Variants in USP49 observed in about 807,000 individuals in gnomAD.
USP49 encodes ubiquitin carboxyl-terminal hydrolase 49.
USP49 carries 24 observed loss-of-function variants against 58.6 expected under a neutral mutation model. That is an observed-to-expected ratio of 0.41 (90% confidence interval 0.30 to 0.58). USP49 has a LOEUF of 0.58. USP49 is among the 20% of genes least tolerant of loss of function. The pLI is 0.30. For missense variants in USP49, 703 were observed against 866.1 expected (o/e 0.81, Z 2.36); for synonymous variants, 408 against 365.1 (o/e 1.12, Z -1.34).
At chr6:41,828,990 T>A (rs1325684508) in intron 3 of USP49, among the ~76,000 whole-genome samples, 2 of 152,184 alleles carry the variant, frequency 1.3e-5, no homozygotes, top group Admixed American at 1.3e-4. Flanking sequence ...TCTCTGTTTA[T>A]CCAGGTCTTT....
At chr6:41,839,672 G>A (rs1773788475) in intron 3 of USP49, among the ~76,000 whole-genome samples, 1 of 152,072 alleles carries the variant, frequency 6.6e-6, no homozygotes, top group South Asian at 2.1e-4. Flanking sequence ...TCATAAAAAG[G>A]AATGAAATAA....
rs1228612058 is a variant in USP49, at chr6:41,790,101, G to A, written c.*6432C>T. On this transcript the variant is annotated 3_prime_UTR_variant, in exon 8 of 8. Coordinates refer to ENST00000682992, the MANE Select transcript of USP49 (RefSeq NM_001286554.2). The stretch of plus-strand genomic sequence containing the variant: ...GTAACCATACATTGATGTTAACCTA[G>A]CATGAAGTTTATTCTTGAAGAATTT... The A allele has an allele frequency of 6.6e-6, 1 of 151,902 alleles. No individual in the cohort carries two copies. The highest frequency in any genetic ancestry group is 2.4e-5 in the African/African-American group (1 of 41,362). The allele number at this position is 151,902 out of a possible 1,614,324, so 9.4% of individuals were successfully genotyped here. A position where few individuals can be genotyped will look rare whatever the true frequency, so the allele number is the denominator to read the frequency against.
chr6:41,833,147 G>C (rs1773665778), intron 3 of USP49, among the ~76,000 whole-genome samples: 1 of 151,678 alleles, frequency 6.6e-6, no homozygotes, highest in East Asian at 1.9e-4. Context: ...CTCCCGAGTA[G>C]CTGGGACTAC....
At chr6:41,823,577 G>C (rs566441237) in intron 3 of USP49, among the ~76,000 whole-genome samples, 2 of 152,218 alleles carry the variant, frequency 1.3e-5, no homozygotes, top group Non-Finnish European at 2.9e-5. Context: ...CAATACAGCA[G>C]AGCCTCAGTC....
intron 3 of USP49, among the ~76,000 whole-genome samples, chr6:41,867,200 T>C (rs1034023205): frequency 6.6e-6 from 1 of 152,214 alleles, no homozygotes; most frequent in Non-Finnish European, 1.5e-5. Context: ...ATGTCAATTG[T>C]TAGTGCACAT....
At chr6:41,816,599 T>C (rs1581999842) in intron 3 of USP49, among the ~76,000 whole-genome samples, 1 of 152,304 alleles carries the variant, frequency 6.6e-6, no homozygotes, top group East Asian at 1.9e-4. Context: ...ATTTTGATAC[T>C]TTTTAAAAAC....
At position 41,790,718 on chromosome 6, in the gene USP49, A is replaced by C. The variant is rs1373701986; in HGVS notation, c.*5815T>G. 6.6e-6 allele frequency: 1 copy of C among 152,214 alleles called. No individual in the cohort carries two copies. The highest frequency in any genetic ancestry group is 1.5e-5 in the Non-Finnish European group (1 of 68,034). The allele number at this position is 152,214 out of a possible 1,614,324, so 9.4% of individuals were successfully genotyped here. ...GACCTTGCTGGCATAAATATTAAGA[A>C]AATTGTTTGAGAATTAGATTTTTTT... On this transcript the variant is annotated 3_prime_UTR_variant, in exon 8 of 8. Coordinates refer to ENST00000682992, the MANE Select transcript of USP49 (RefSeq NM_001286554.2).
chr6:41,806,717 C>T lies in USP49; in HGVS notation c.267G>A (p.Glu89=), dbSNP rs1773142232. The change falls in exon 4 of 8, where the codon GAG becomes GAA. Residue 89 remains glutamate (E), a synonymous_variant. Transcript: ENST00000682992. This position sits in a 1 kb window ranked among gnomAD's most constrained non-coding sequence, Gnocchi z 5.9. ...AGCTTCTTAGCAGCTTCAGGTCCCC[C>T]TCTGGGTTATCATTGAGCACGTAGT... is the stretch of plus-strand genomic sequence containing the variant. ...CKDYVLNDNP[E]GDLKLLRSSL... is the part of the protein sequence containing the mutation. 1.2e-6 allele frequency: 2 copies of T among 1,614,254 alleles called. No homozygotes were observed. Among genetic ancestry groups the T allele is most frequent in the East Asian group, 2.2e-5 (1 of 44,888 alleles).
chr6:41,883,549 GA>G (rs1774652999), intron 2 of USP49, among the ~76,000 whole-genome samples: 1 of 152,002 alleles, frequency 6.6e-6, no homozygotes. Context: ...ACGGGAGGCT[GA>G]GGCAGGAGAA....
At chr6:41,824,142 A>T (rs1183080035) in intron 3 of USP49, among the ~76,000 whole-genome samples, 10 of 152,104 alleles carry the variant, frequency 6.6e-5, no homozygotes. Context: ...GCCTCCACAG[A>T]GCCTAAAGTC....
In USP49 at chr6:41,806,299, G is replaced by C; in HGVS notation, c.685C>G (p.Leu229Val). ...GCGGGCACTCTGCGTGAGGTAGGGA[G>C]GGCGGCGGGGCGCGAGGCAGCCGGG... is the stretch of plus-strand genomic sequence containing the variant. ...AGPAASRPAA[L>V]PTSRRVPAAT... is the part of the protein sequence containing the mutation. Residue 229 changes from leucine to valine, a missense_variant, in exon 4 of 8, where the codon CTC (leucine) becomes GTC (valine). Transcript: ENST00000682992. The surrounding 1 kb of genome is among the most constrained non-coding windows in gnomAD (Gnocchi z 5.9). 1 of 1,588,318 alleles carries C rather than the reference G, an allele frequency of 6.3e-7. No individual in the cohort carries two copies. The highest frequency in any genetic ancestry group is 8.5e-7 in the Non-Finnish European group (1 of 1,172,708).
chr6:41,861,440 C>A (rs1028484577), intron 3 of USP49, among the ~76,000 whole-genome samples: 1 of 152,122 alleles, frequency 6.6e-6, no homozygotes, highest in Non-Finnish European at 1.5e-5. Context: ...GAGACTCAGT[C>A]TCAAAACAAA....
chr6:41,862,862 C>G (rs1774247460), intron 3 of USP49, among the ~76,000 whole-genome samples: 1 of 150,780 alleles, frequency 6.6e-6, no homozygotes, highest in Non-Finnish European at 1.5e-5. Context: ...CAACCTCCAC[C>G]TCCCAGGTTC....
chr6:41,877,395 C>A (rs1238577208), intron 2 of USP49, among the ~76,000 whole-genome samples: 1 of 152,102 alleles, frequency 6.6e-6, no homozygotes, highest in African/African-American at 2.4e-5. Context: ...ATGCAGTCCA[C>A]AAAGCTGTAT....
chr6:41,797,271 A>G (rs1012996840), intron 7 of USP49, among the ~76,000 whole-genome samples: 4 of 152,238 alleles, frequency 2.6e-5, no homozygotes, highest in South Asian at 2.1e-4. Context: ...ACTGACTGCA[A>G]TTTTTATCTT....
intron 3 of USP49, among the ~76,000 whole-genome samples, chr6:41,858,629 A>G (rs1051909821): frequency 6.6e-6 from 1 of 151,090 alleles, no homozygotes; most frequent in East Asian, 1.9e-4. Flanking sequence ...GCAATCTCTC[A>G]TCTCAGAACT....
intron 5 of USP49, among the ~76,000 whole-genome samples, chr6:41,802,478 TA>T (rs1291107528): frequency 0.049 from 4,477 of 91,754 alleles, 292 homozygotes; most frequent in African/African-American, 0.11. Flanking sequence ...ATTTTTTATT[TA>T]TTTTTTTTTT....
intron 3 of USP49, among the ~76,000 whole-genome samples, chr6:41,821,065 T>TA (rs1456123839): frequency 5.3e-5 from 8 of 152,082 alleles, no homozygotes; most frequent in Admixed American, 5.2e-4. Flanking sequence ...GCAAGCAATA[T>TA]ATCAGTAGTG....
At chr6:41,865,894 T>A in intron 3 of USP49, among the ~76,000 whole-genome samples, 1 of 128,478 alleles carries the variant, frequency 7.8e-6, no homozygotes. Context: ...TCCTCCCACC[T>A]CAGCCTTCCA....
Sources: gnomAD v4.1 joint callset for allele counts (sites outside exome capture counted in the v4.1 genomes callset) on GRCh38, gnomAD v4.1.1 for gene constraint, Gnocchi (gnomAD v3.1) non-coding constraint, MANE v1.5 for transcripts, NCBI Gene and HGNC (gene_info 2026-07-23, HGNC 2026-07-21) for gene names.